The following BIRC6 variants were observed in gnomAD, a reference collection of about 807,000 sequenced individuals.
The protein encoded by BIRC6 is baculoviral IAP repeat containing 6, also known as dual E2 ubiquitin-conjugating enzyme/E3 ubiquitin-protein ligase BIRC6.
In BIRC6, 98 loss-of-function variants were observed where a neutral mutation model predicts 503.3. The observed-to-expected ratio is 0.19, with a 90% CI of 0.17 to 0.23. BIRC6 has a LOEUF of 0.23. Among genes scored for constraint, BIRC6 ranks in the 10% least tolerant of loss-of-function variants. The pLI is 1.00. For synonymous variants in BIRC6, 2,240 were observed against 2,078.7 expected, an observed-to-expected ratio of 1.08 and a Z score of -2.11; for missense variants, 5,360 against 5,806.0, an observed-to-expected ratio of 0.92 and a Z score of 2.50.
chr2:32,429,397 T>A (rs1387413881), intron 11 of BIRC6, 102 bp downstream of exon 11: 2 of 896,392 alleles, frequency 2.2e-6, no homozygotes, highest in African/African-American at 3.4e-5. Context: ...AAGAAGTGAT[T>A]CTCAACCTGT....
chr2:32,554,089 A>T (rs977379930), intron 65 of BIRC6, among the ~76,000 whole-genome samples: 1 of 152,168 alleles, frequency 6.6e-6, no homozygotes, highest in Non-Finnish European at 1.5e-5. Flanking sequence ...TAATATTCAC[A>T]TGTTAATGTT....
intron 65 of BIRC6, among the ~76,000 whole-genome samples, chr2:32,568,938 A>G (rs1381610225): frequency 6.7e-6 from 1 of 149,598 alleles, no homozygotes; most frequent in Non-Finnish European, 1.5e-5. Flanking sequence ...TACCCAGTAG[A>G]TATTTTTCAA....
At chr2:32,449,766 A>G (rs929619898) in intron 22 of BIRC6, among the ~76,000 whole-genome samples, 2 of 152,200 alleles carry the variant, frequency 1.3e-5, no homozygotes. Flanking sequence ...TTAGGTTACT[A>G]TTGTTAACTG....
At chr2:32,385,017 A>G (rs1228412399) in intron 3 of BIRC6, among the ~76,000 whole-genome samples, 1 of 152,088 alleles carries the variant, frequency 6.6e-6, no homozygotes, top group East Asian at 1.9e-4. Context: ...CAAATTAGCA[A>G]CTCTGTTAAC....
intron 33 of BIRC6, among the ~76,000 whole-genome samples, chr2:32,474,658 G>A (rs914847948): frequency 6.6e-6 from 1 of 152,140 alleles, no homozygotes; most frequent in Non-Finnish European, 1.5e-5. Context: ...CTGCCAAATG[G>A]CTTAGTGAAA....
intron 50 of BIRC6, 114 bp from the exon 51 acceptor site, chr2:32,507,866 T>C: frequency 1.0e-6 from 1 of 975,858 alleles, no homozygotes. Flanking sequence ...GTTTTCCTTT[T>C]ACAAGTTCAT....
chr2:32,543,761 C>T (rs1000913756), intron 62 of BIRC6, among the ~76,000 whole-genome samples: 1 of 152,122 alleles, frequency 6.6e-6, no homozygotes, highest in African/African-American at 2.4e-5. Flanking sequence ...CTTGTGCTGA[C>T]AAAACTGTTG....
chr2:32,485,442 A>G (rs1237567335), intron 39 of BIRC6, among the ~76,000 whole-genome samples: 1 of 152,092 alleles, frequency 6.6e-6, no homozygotes, highest in Non-Finnish European at 1.5e-5. Context: ...CTGTCTCTAT[A>G]TAACCAATCG....
At chr2:32,588,120 G>T (rs1206330560) in intron 66 of BIRC6, among the ~76,000 whole-genome samples, 2 of 152,146 alleles carry the variant, frequency 1.3e-5, no homozygotes, top group African/African-American at 4.8e-5. Flanking sequence ...AGCACTTTGG[G>T]AGGCAGGTGG....
Position 32,463,400 on chromosome 2 carries a change from C to T in BIRC6, c.4941+19C>T, listed in dbSNP as rs759630693. 2.5e-6 allele frequency: 4 copies of T among 1,577,282 alleles called. No individual in the cohort carries two copies. The highest frequency in any genetic ancestry group is 1.9e-5 in the Admixed American group (1 of 52,572). Reference sequence around the variant, plus strand: ...GCAACAGGTTGGAGACTATTTGGCTCTTTGTTCATGCTGTCTCTAAACTTC... The same window carrying T: ...GCAACAGGTTGGAGACTATTTGGCTTTTTGTTCATGCTGTCTCTAAACTTC... On this transcript the variant is annotated intron_variant, in intron 24 of 73. Transcript: ENST00000421745.
In BIRC6 at chr2:32,538,266, G is replaced by C. The variant is rs1424063347; in HGVS notation, c.12292-4975G>C. Among the ~76,000 whole-genome samples the C allele has an allele frequency of 3.3e-5, 5 of 152,068 alleles. No individual in the cohort carries two copies. The East Asian group carries it at 9.7e-4, about 29-fold the overall frequency. ...TCCAAATTCTGCACATCCATAGCTTGCTCCAGAATTATTAAACATAGGCAT... is the reference window on the plus strand; with the variant it reads ...TCCAAATTCTGCACATCCATAGCTTCCTCCAGAATTATTAAACATAGGCAT... On this transcript the variant is annotated intron_variant, in intron 61 of 73. Coordinates refer to ENST00000421745, the MANE Select transcript of BIRC6 (RefSeq NM_016252.4).
In BIRC6 at chr2:32,421,088, G is replaced by GTTTC. The variant is rs576842385; in HGVS notation, c.2872+4949_2872+4952dup. Among the ~76,000 whole-genome samples the GTTTC allele has an allele frequency of 6.7e-3, 959 of 143,496 alleles. 3 individuals carry two copies. The highest frequency in any genetic ancestry group is 0.012 in the Admixed American group (167 of 14,286). The allele number at this position is 143,496 out of a possible 152,430, so 94.1% of individuals were successfully genotyped here. On this transcript the variant is annotated intron_variant, in intron 10 of 73. Transcript: ENST00000421745. Reference sequence around the variant, plus strand: ...TTTGGGTTTATTTTGCTCTTCTCTAGTTTCTTTCTTTCTTTCTTTCTTTCT... The same window carrying GTTTC: ...TTTGGGTTTATTTTGCTCTTCTCTAGTTTCTTTCTTTCTTTCTTTCTTTCTTTCT...
Position 32,515,029 on chromosome 2 carries a change from G to A in BIRC6, c.10608G>A (p.Met3536Ile). Residue 3536 changes from methionine to isoleucine, a missense_variant, in exon 55 of 74, where the codon ATG becomes ATA. Coordinates refer to ENST00000421745, the MANE Select transcript of BIRC6 (RefSeq NM_016252.4). Reference protein sequence around the residue: ...FNWSMSLPCNMVLKKAVDSLL... With the variant: ...FNWSMSLPCNIVLKKAVDSLL... ...GGTCCATGTCTCTTCCCTGCAATAT[G>A]GTTTTGAAGAAAGCTGTTGACAGTC... is the stretch of plus-strand genomic sequence containing the variant. 3.1e-6 allele frequency: 5 copies of A among 1,613,738 alleles called. No homozygotes were observed. The highest frequency in any genetic ancestry group is 4.2e-6 in the Non-Finnish European group (5 of 1,179,790).
At chr2:32,600,757 A>T (rs2062000569) in intron 70 of BIRC6, among the ~76,000 whole-genome samples, 1 of 152,196 alleles carries the variant, frequency 6.6e-6, no homozygotes, top group South Asian at 2.1e-4. Flanking sequence ...ATACTTACCG[A>T]TGTGTTCCTT....
intron 6 of BIRC6, among the ~76,000 whole-genome samples, chr2:32,396,469 G>A (rs1372474255): frequency 1.3e-5 from 2 of 152,148 alleles, no homozygotes; most frequent in Non-Finnish European, 2.9e-5. Context: ...GTATTGCAGT[G>A]TACCTATGGA....
intron 52 of BIRC6, 130 bp from the exon 53 acceptor site, chr2:32,510,394 TAG>T: frequency 1.5e-6 from 1 of 647,190 alleles, no homozygotes; most frequent in East Asian, 2.6e-5. Flanking sequence ...TCATTATTTT[TAG>T]AGTTTGTTCT....
chr2:32,535,875 T>G (rs561295828), intron 61 of BIRC6, among the ~76,000 whole-genome samples: 1 of 152,182 alleles, frequency 6.6e-6, no homozygotes, highest in African/African-American at 2.4e-5. Context: ...CCTGAGGAAT[T>G]GCTACACTGA....
chr2:32,506,407 C>G (rs971219281), intron 50 of BIRC6, among the ~76,000 whole-genome samples: 4 of 152,118 alleles, frequency 2.6e-5, no homozygotes, highest in African/African-American at 9.7e-5. Flanking sequence ...AGATAAAAAA[C>G]AGATAATATA....
chr2:32,562,274 A>G (rs929095064), intron 65 of BIRC6, among the ~76,000 whole-genome samples: 5 of 152,110 alleles, frequency 3.3e-5, no homozygotes, highest in Non-Finnish European at 5.9e-5. Flanking sequence ...CATATCTTGT[A>G]TTACTTGTAT....
Sources: allele counts gnomAD v4.1 joint callset (sites outside exome capture counted in the v4.1 genomes callset), GRCh38; gene constraint gnomAD v4.1.1; transcripts MANE v1.5; gene names NCBI Gene and HGNC (gene_info 2026-07-23, HGNC 2026-07-21).